Variants in ACACB observed in about 807,000 individuals in gnomAD.
The protein encoded by ACACB is acetyl-CoA carboxylase 2.
Under a neutral mutation model 278.8 loss-of-function variants are expected in ACACB, and 209 were observed. The ratio of observed to expected loss-of-function variants is 0.75; its 90% CI spans 0.67 to 0.84. ACACB has a LOEUF of 0.84. Ranked by LOEUF, ACACB falls within the 40% of genes least tolerant of loss-of-function variation. The probability of loss-of-function intolerance (pLI) is 0.00; values close to 1 mark genes in which losing one functional copy is unlikely to be tolerated. For missense variants in ACACB, 2,850 were observed against 3,269.0 expected (o/e 0.87, Z 3.13); for synonymous variants, 1,174 against 1,285.6 (o/e 0.91, Z 1.86).
intron 2 of ACACB, among the ~76,000 whole-genome samples, chr12:109,156,398 C>G (rs1449246906): frequency 3.3e-5 from 5 of 151,950 alleles, no homozygotes; most frequent in African/African-American, 7.3e-5. Flanking sequence ...GATGGTGATG[C>G]ATGCCTGGAG....
chr12:109,194,628 G>GTGTGTGTGTGTGTGTGTGTGTGTGTC (rs1219572162), intron 16 of ACACB, among the ~76,000 whole-genome samples: 5 of 150,432 alleles, frequency 3.3e-5, no homozygotes, highest in Non-Finnish European at 5.9e-5. Flanking sequence ...GTGTGTGTGT[G>GTGTGTGTGTGTGTGTGTGTGTGTGTC]TGTGTGTGTG....
At chr12:109,115,101 T>A (rs927553722), upstream of ACACB, among the ~76,000 whole-genome samples, 10 of 152,220 alleles carry the variant, frequency 6.6e-5, no homozygotes, top group African/African-American at 2.2e-4. Flanking sequence ...TGTCTAGTCT[T>A]TTTGCAAGTA....
rs2043080055 is a variant in ACACB at position 109,140,268 on chromosome 12, TTCTTTCCTTCC to T, written c.653+212_653+222del. On this transcript the variant is annotated intron_variant, in intron 2 of 52. Transcript: ENST00000338432. ...CTTCCTTCCTTCCATCCTTCCTTCC[TTCTTTCCTTCC>T]TTCCTTCCTTCCTTCCTTCCTTCCT... Among the ~76,000 whole-genome samples, 4 of 58,956 alleles carry T rather than the reference TTCTTTCCTTCC, an allele frequency of 6.8e-5. 1 individual carries two copies. Among genetic ancestry groups the T allele is most frequent in the African/African-American group, 1.9e-4 (4 of 20,854 alleles). The allele number at this position is 58,956 out of a possible 152,430, so 38.7% of individuals were successfully genotyped here.
intron 28 of ACACB, among the ~76,000 whole-genome samples, chr12:109,228,027 C>T (rs1474552044): frequency 2.1e-5 from 3 of 143,698 alleles, no homozygotes; most frequent in Admixed American, 2.0e-4. Context: ...AAGCGAGACT[C>T]CGTCTCAAAA....
At chr12:109,230,493 G>C (rs1000880290) in intron 28 of ACACB, among the ~76,000 whole-genome samples, 27 of 152,320 alleles carry the variant, frequency 1.8e-4, no homozygotes, top group African/African-American at 6.5e-4. Flanking sequence ...TGTGATCATA[G>C]CTCACTACAG....
chr12:109,232,847 G>A (rs1445711871), intron 29 of ACACB, 41 bp downstream of exon 29: 1 of 1,609,972 alleles, frequency 6.2e-7, no homozygotes, highest in Admixed American at 1.7e-5. Context: ...TGAGCATGGG[G>A]GCTGGGCAGA....
chr12:109,221,897 G>GGC (rs962897828), intron 24 of ACACB, among the ~76,000 whole-genome samples: 3 of 149,350 alleles, frequency 2.0e-5, no homozygotes, highest in Admixed American at 6.7e-5. Flanking sequence ...TTTTTTTTGG[G>GGC]GGGGAGACAG....
chr12:109,144,750 C>CTTTTTT lies in ACACB; in HGVS notation c.653+4695_653+4696insTTTTTT, dbSNP rs770963307. Reference sequence around the variant, plus strand: ...TCTTTCTTTTTCTTTTTCTTTCTTTCTTTCTTTTTTTTTTTTTTTTTTGAG... The same window carrying CTTTTTT: ...TCTTTCTTTTTCTTTTTCTTTCTTTCTTTTTTTTTCTTTTTTTTTTTTTTTTTTGAG... On this transcript the variant is annotated intron_variant, in intron 2 of 52. Coordinates refer to ENST00000338432, the MANE Select transcript of ACACB (RefSeq NM_001093.4). Among the ~76,000 whole-genome samples, 333 of 86,748 alleles carry CTTTTTT rather than the reference C, an allele frequency of 3.8e-3. 9 individuals are homozygous for CTTTTTT. The highest frequency in any genetic ancestry group is 4.6e-3 in the Non-Finnish European group (216 of 46,704). The allele number at this position is 86,748 out of a possible 152,430, so 56.9% of individuals were successfully genotyped here.
Position 109,232,786 on chromosome 12 carries a change from G to A in ACACB, c.4119G>A (p.Arg1373=). Residue 1373 remains arginine (R), a synonymous_variant, in exon 29 of 53, where the codon AGG becomes AGA. Coordinates refer to ENST00000338432, the MANE Select transcript of ACACB (RefSeq NM_001093.4). Reference sequence around the variant, plus strand: ...GCATGGGAGCCATGGTAGCCTTCAGGAGATTCGAGGACTTCACCAGGTACC... The same window carrying A: ...GCATGGGAGCCATGGTAGCCTTCAGAAGATTCGAGGACTTCACCAGGTACC... ...CQRMGAMVAF[R]RFEDFTRNFD... 2 of 1,614,132 alleles carry A rather than the reference G, an allele frequency of 1.2e-6. No individual in the cohort carries two copies. The highest frequency in any genetic ancestry group is 1.7e-6 in the Non-Finnish European group (2 of 1,180,022).
chr12:109,188,181 CCTTCCT>C lies in ACACB; in HGVS notation c.2144+20_2144+25del, dbSNP rs769693699. On this transcript the variant is annotated intron_variant, in intron 13 of 52. Coordinates refer to ENST00000338432, the MANE Select transcript of ACACB (RefSeq NM_001093.4). ...CCATTTCGTCAGTATCTCCTTCCTT[CCTTCCT>C]TCCTTCCTTCCTTCCTTCCTTCCTT... 2 of 544,762 alleles carry C rather than the reference CCTTCCT, an allele frequency of 3.7e-6. No homozygotes were observed. Among genetic ancestry groups the C allele is most frequent in the African/African-American group, 5.7e-5 (1 of 17,438 alleles). The allele number at this position is 544,762 out of a possible 1,614,324, so 33.7% of individuals were successfully genotyped here.
intron 1 of ACACB, among the ~76,000 whole-genome samples, chr12:109,131,995 A>G (rs1487493227): frequency 6.6e-6 from 1 of 152,112 alleles, no homozygotes; most frequent in African/African-American, 2.4e-5. Flanking sequence ...TTTTAGGATC[A>G]TATCTACGCA....
At chr12:109,124,732 T>G (rs1228792920) in intron 1 of ACACB, among the ~76,000 whole-genome samples, 1 of 152,216 alleles carries the variant, frequency 6.6e-6, no homozygotes, top group Admixed American at 6.5e-5. Flanking sequence ...TTGTTTGTTT[T>G]GAGACAGGGT....
intron 1 of ACACB, among the ~76,000 whole-genome samples, chr12:109,117,093 G>A (rs1202553567): frequency 2.1e-5 from 3 of 140,306 alleles, no homozygotes; most frequent in South Asian, 2.2e-4. Context: ...GGCTGGGCAC[G>A]GTGGCTCATG....
chr12:109,247,501 CAT>C (rs1274445324), intron 39 of ACACB, 103 bp from the exon 40 acceptor site: 7 of 763,226 alleles, frequency 9.2e-6, no homozygotes, highest in East Asian at 2.5e-5. Context: ...ATGTTACTAA[CAT>C]GTTATTAACA....
intron 9 of ACACB, among the ~76,000 whole-genome samples, chr12:109,178,346 T>A (rs1396272234): frequency 4.6e-5 from 7 of 152,238 alleles, no homozygotes; most frequent in Non-Finnish European, 7.3e-5. Context: ...AGTAAGTTTG[T>A]CCTTAGATTC....
rs376502000 is a variant in ACACB, at chr12:109,265,208, C to T, written c.7041C>T (p.Ser2347=). 6.2e-6 allele frequency: 10 copies of T among 1,613,626 alleles called. No homozygotes were observed. Among genetic ancestry groups the T allele is most frequent in the Admixed American group, 1.7e-5 (1 of 60,016 alleles). ...TCAAGCAGGAGATCCTGCAGGCCAGCGGGGAGCTGAGTCACGTGCATATCC... is the reference window on the plus strand; with the variant it reads ...TCAAGCAGGAGATCCTGCAGGCCAGTGGGGAGCTGAGTCACGTGCATATCC... ...DQVKQEILQA[S]GELSHVHIQS... is the part of the protein sequence containing the mutation. Residue 2347 remains serine, a synonymous_variant, in exon 51 of 53, where the codon AGC becomes AGT. Coordinates refer to ENST00000338432, the MANE Select transcript of ACACB (RefSeq NM_001093.4).
intron 1 of ACACB, among the ~76,000 whole-genome samples, chr12:109,126,121 G>T (rs771387425): frequency 1.3e-5 from 2 of 152,176 alleles, no homozygotes; most frequent in Non-Finnish European, 2.9e-5. Context: ...AGCACAGCAG[G>T]GGGAGAAGCG....
chr12:109,194,551 T>TC (rs2045038783), intron 16 of ACACB, among the ~76,000 whole-genome samples: 2 of 58,304 alleles, frequency 3.4e-5, no homozygotes, highest in Non-Finnish European at 8.8e-5. Flanking sequence ...TGTGTGTGTT[T>TC]ACATTGGCCT....
intron 49 of ACACB, chr12:109,263,990 A>C: frequency 2.0e-6 from 1 of 490,906 alleles, no homozygotes; most frequent in South Asian, 3.2e-5. Flanking sequence ...TCTGAGACAA[A>C]GGGGGCCATC....
Sources: allele counts gnomAD v4.1 joint callset (sites outside exome capture counted in the v4.1 genomes callset), GRCh38; gene constraint gnomAD v4.1.1; transcripts MANE v1.5; gene names NCBI Gene and HGNC (gene_info 2026-07-23, HGNC 2026-07-21).